MAPK10: variants seen among roughly 807,000 people sequenced by gnomAD.
MAPK10 encodes mitogen-activated protein kinase 10.
MAPK10 carries 25 observed loss-of-function variants against 59.3 expected under a neutral mutation model. That is an observed-to-expected ratio of 0.42 (90% CI 0.31 to 0.59). The LOEUF is 0.59. Among genes scored for constraint, MAPK10 ranks in the 20% least tolerant of loss-of-function variants. MAPK10 has a pLI of 0.15. For synonymous variants in MAPK10, 190 were observed against 200.5 expected, an observed-to-expected ratio of 0.95 and a Z score of 0.44; for missense variants, 351 against 568.9, an observed-to-expected ratio of 0.62 and a Z score of 3.90.
At chr4:86,051,209 A>C (rs896479929) in intron 11 of MAPK10, among the ~76,000 whole-genome samples, 2 of 152,196 alleles carry the variant, frequency 1.3e-5, no homozygotes, top group Non-Finnish European at 2.9e-5. Flanking sequence ...TACCATTAGA[A>C]AGGGACATAA....
chr4:86,133,925 A>AT (rs1315630454), intron 4 of MAPK10, among the ~76,000 whole-genome samples: 9 of 152,342 alleles, frequency 5.9e-5, no homozygotes, highest in African/African-American at 2.2e-4. Flanking sequence ...TGGGATGAAA[A>AT]TTTAAGATTT....
chr4:86,207,835 T>C (rs2084565159), intron 2 of MAPK10, among the ~76,000 whole-genome samples: 1 of 152,152 alleles, frequency 6.6e-6, no homozygotes, highest in African/African-American at 2.4e-5. Context: ...CACTCATGAT[T>C]TGGCTCTCTA....
intron 1 of MAPK10, among the ~76,000 whole-genome samples, chr4:86,385,180 AAAAT>A (rs1271465664): frequency 7.9e-5 from 12 of 152,212 alleles, no homozygotes; most frequent in Middle Eastern, 3.4e-3. Context: ...CAATGAAAAT[AAAAT>A]AAATAATTAA....
intron 2 of MAPK10, among the ~76,000 whole-genome samples, chr4:86,289,986 C>T (rs976771125): frequency 5.9e-5 from 9 of 151,910 alleles, no homozygotes; most frequent in Admixed American, 2.0e-4. Flanking sequence ...TGATTTTGGA[C>T]GTATTAAATT....
chr4:86,079,931 A>G (rs1387934186), intron 9 of MAPK10: 1 of 152,058 alleles, frequency 6.6e-6, no homozygotes, highest in African/African-American at 2.4e-5. Flanking sequence ...CCATGCTAGC[A>G]TTTTGGTCTT....
At chr4:86,231,422 G>A (rs538551904) in intron 2 of MAPK10, among the ~76,000 whole-genome samples, 1 of 152,062 alleles carries the variant, frequency 6.6e-6, no homozygotes, top group African/African-American at 2.4e-5. Context: ...TTGGGAGGTC[G>A]AGGAGGGCAG....
intron 1 of MAPK10, among the ~76,000 whole-genome samples, chr4:86,402,879 G>C (rs954663418): frequency 1.3e-5 from 2 of 152,130 alleles, no homozygotes; most frequent in Non-Finnish European, 2.9e-5. Context: ...GGAAAGCATG[G>C]CCTGGGCTCA....
intron 1 of MAPK10, among the ~76,000 whole-genome samples, chr4:86,409,782 C>T (rs1320390684): frequency 6.6e-6 from 1 of 152,122 alleles, no homozygotes; most frequent in Non-Finnish European, 1.5e-5. Flanking sequence ...AGTTGCTTAT[C>T]AGCTTAAGGA....
At position 86,507,371 on chromosome 4, in the gene MAPK10, C is replaced by T. The variant is rs976050320; in HGVS notation, c.-263+86539G>A. Among the ~76,000 whole-genome samples the T allele has an allele frequency of 1.1e-4, 17 of 151,266 alleles. 1 individual carries two copies. The highest frequency in any genetic ancestry group is 6.3e-4 in the South Asian group (3 of 4,798). ...CAGCAGATGTGTAGACAGAGTAGTG[C>T]GGAGAAAAAACCCCTTTCATTGCGA... On this transcript the variant is annotated intron_variant, in intron 1 of 4. Coordinates refer to the MAPK10 transcript ENST00000502302.
chr4:86,359,288 CTGTGTGTGTGTGTG>C (rs1554248575), intron 1 of MAPK10, among the ~76,000 whole-genome samples: 2 of 94,606 alleles, frequency 2.1e-5, no homozygotes, highest in African/African-American at 5.3e-5. Context: ...CTCTCTCTCT[CTGTGTGTGTGTGTG>C]TGTGTGTGTG....
chr4:86,116,311 C>T (rs889484237), intron 4 of MAPK10, among the ~76,000 whole-genome samples: 1 of 152,142 alleles, frequency 6.6e-6, no homozygotes, highest in Non-Finnish European at 1.5e-5. Flanking sequence ...GCATTCTGAT[C>T]AGAGTCTCCT....
rs1741425375 is a variant in MAPK10, at chr4:86,011,418, T to C, written c.*5810A>G. On this transcript the variant is annotated 3_prime_UTR_variant, in exon 14 of 14. Coordinates refer to ENST00000641462, the MANE Select transcript of MAPK10 (RefSeq NM_138982.4). Reference sequence around the variant, plus strand: ...AACCTCTGCCTTGGCTGTGATCCAGTGTTGTTATTGGCAAGTAGATTCATC... The same window carrying C: ...AACCTCTGCCTTGGCTGTGATCCAGCGTTGTTATTGGCAAGTAGATTCATC... 3 of 152,212 alleles carry C rather than the reference T, an allele frequency of 2.0e-5. No homozygotes were observed. Among genetic ancestry groups the C allele is most frequent in the Admixed American group, 2.0e-4 (3 of 15,284 alleles). 9.4% of individuals were successfully genotyped at this position (152,212 alleles called of 1,614,324 possible). A position where few individuals can be genotyped will look rare whatever the true frequency, so the allele number is the denominator to read the frequency against.
chr4:86,320,132 T>A (rs948095215), intron 2 of MAPK10, among the ~76,000 whole-genome samples: 1 of 152,194 alleles, frequency 6.6e-6, no homozygotes, highest in South Asian at 2.1e-4. Flanking sequence ...TGTATGACCT[T>A]AGACAAGTCA....
chr4:86,136,223 CA>C (rs2062051859), intron 4 of MAPK10, among the ~76,000 whole-genome samples: 1 of 152,018 alleles, frequency 6.6e-6, no homozygotes. Flanking sequence ...AACTCCAAAA[CA>C]CATAATTGTC....
chr4:86,160,030 T>C (rs1484121325), intron 3 of MAPK10, among the ~76,000 whole-genome samples: 1 of 152,058 alleles, frequency 6.6e-6, no homozygotes, highest in African/African-American at 2.4e-5. Flanking sequence ...CAAATGCTAT[T>C]GTTCTGAATT....
chr4:86,074,494 G>T (rs2149012701), intron 9 of MAPK10, among the ~76,000 whole-genome samples: 2 of 145,490 alleles, frequency 1.4e-5, no homozygotes, highest in African/African-American at 2.6e-5. Flanking sequence ...AGTCTCGATG[G>T]TCTTTACATT....
At position 86,067,789 on chromosome 4, in the gene MAPK10, C is replaced by T. The variant is rs2047033793; in HGVS notation, c.969G>A (p.Glu323=). The change falls in exon 10 of 14, where the codon GAG becomes GAA. Residue 323 remains glutamate, a synonymous_variant. Coordinates refer to ENST00000641462, the MANE Select transcript of MAPK10 (RefSeq NM_138982.4). ...AGGGCATACCTTTGAGTTTATTGTG[C>T]TCGGAGTCCGCTGGGAAGAGGGAAT... ...FPDSLFPADS[E]HNKLKASQAR... 6.2e-7 allele frequency: 1 copy of T among 1,611,448 alleles called. No individual in the cohort carries two copies. The highest frequency in any genetic ancestry group is 1.3e-5 in the African/African-American group (1 of 74,834).
intron 13 of MAPK10, among the ~76,000 whole-genome samples, chr4:86,026,193 T>A (rs1750119334): frequency 6.6e-6 from 1 of 152,180 alleles, no homozygotes; most frequent in Non-Finnish European, 1.5e-5. Flanking sequence ...TCACTGTTAG[T>A]TTTGGGAGCT....
At chr4:86,335,440 A>G (rs1460149497) in intron 2 of MAPK10, among the ~76,000 whole-genome samples, 4 of 152,216 alleles carry the variant, frequency 2.6e-5, no homozygotes, top group Admixed American at 2.6e-4. Context: ...AATAAAAGAT[A>G]ACCAGATAAG....
Sources: allele counts gnomAD v4.1 joint callset (sites outside exome capture counted in the v4.1 genomes callset), GRCh38; gene constraint gnomAD v4.1.1; transcripts MANE v1.5; gene names NCBI Gene and HGNC (gene_info 2026-07-23, HGNC 2026-07-21).